The following CNBD1 variants were observed in gnomAD, a reference collection of about 807,000 sequenced individuals.
CNBD1 encodes the protein cyclic nucleotide binding domain containing 1.
A neutral mutation model predicts 54.4 loss-of-function variants in CNBD1; 71 were observed. That is an observed-to-expected ratio of 1.30 (90% CI 1.08 to 1.59). The LOEUF is 1.59. CNBD1 is among the 40% of genes most tolerant of loss of function. The pLI is 0.00. For synonymous variants in CNBD1, 182 were observed against 170.7 expected (o/e 1.07, Z -0.51); for missense variants, 659 against 518.0 (o/e 1.27, Z -2.64).
At chr8:87,341,227 G>A (rs1214018624) in intron 8 of CNBD1, among the ~76,000 whole-genome samples, 2 of 152,024 alleles carry the variant, frequency 1.3e-5, no homozygotes, top group Non-Finnish European at 2.9e-5. Context: ...CTGGTCCTCT[G>A]GAGAAGCAGA....
intron 4 of CNBD1, among the ~76,000 whole-genome samples, chr8:87,015,103 T>C (rs1809325492): frequency 6.6e-6 from 1 of 152,192 alleles, no homozygotes; most frequent in South Asian, 2.1e-4. Context: ...AAATTGATAT[T>C]TAATACTAAA....
rs1586358169 is a variant in CNBD1, at chr8:87,242,733, G to T, written c.771+5621G>T. The stretch of plus-strand genomic sequence containing the variant: ...TTAAGACCTCTTGAGACTTTGCCTT[G>T]TGCCACAGTCATTTATATTTGGCTC... On this transcript the variant is annotated intron_variant, in intron 6 of 10. Transcript: ENST00000518476. Among the ~76,000 whole-genome samples the T allele has an allele frequency of 2.0e-5, 3 of 152,256 alleles. 1 individual carries two copies. The Middle Eastern group carries it at 0.01, about 518-fold the overall frequency.
chr8:87,123,816 A>G (rs1248322913), intron 4 of CNBD1, among the ~76,000 whole-genome samples: 1 of 151,592 alleles, frequency 6.6e-6, no homozygotes, highest in African/African-American at 2.4e-5. Context: ...TTAGAAATAT[A>G]AGAGCACACA....
chr8:87,423,371 C>T (rs1168326292), intron 2 of CNBD1, among the ~76,000 whole-genome samples: 6 of 150,018 alleles, frequency 4.0e-5, no homozygotes, highest in Admixed American at 6.6e-5. Context: ...AAAGGAAATG[C>T]TTCCAGTTTT....
rs148459508 is a variant in CNBD1, at chr8:87,291,152, T to A, written c.1042+4481T>A. On this transcript the variant is annotated intron_variant, in intron 8 of 10. Transcript: ENST00000518476. The stretch of plus-strand genomic sequence containing the variant: ...ATCTTTAATGTAGTTTGAAAGGACA[T>A]TTGTATCTGGGCCATACCTATATCT... Among the ~76,000 whole-genome samples the A allele has an allele frequency of 1.5e-3, 230 of 152,310 alleles. 1 individual carries two copies. Among genetic ancestry groups the A allele is most frequent in the Admixed American group, 2.2e-3 (33 of 15,278 alleles).
chr8:87,049,610 C>G (rs752250381), intron 4 of CNBD1, among the ~76,000 whole-genome samples: 2 of 152,162 alleles, frequency 1.3e-5, no homozygotes, highest in Non-Finnish European at 2.9e-5. Context: ...CTCTGAGATC[C>G]TCCCTGGCTT....
chr8:86,912,709 T>A (rs989812664), intron 3 of CNBD1, among the ~76,000 whole-genome samples: 25 of 151,972 alleles, frequency 1.6e-4, no homozygotes, highest in Admixed American at 2.6e-4. Context: ...ATTTATATTT[T>A]AAAAAAAAGG....
rs1167232265 is a variant in CNBD1, at chr8:87,134,594, CTTTTT to C, written c.432-71377_432-71373del. Reference sequence around the variant, plus strand: ...GATTCACCTTTGTTAATTAGATTACCTTTTTTTTTTTTTTTTTTTTTTTTTTGAGA... The same window carrying C: ...GATTCACCTTTGTTAATTAGATTACCTTTTTTTTTTTTTTTTTTTTTGAGA... On this transcript the variant is annotated intron_variant, in intron 4 of 10. Coordinates refer to ENST00000518476, the MANE Select transcript of CNBD1 (RefSeq NM_173538.3). 3.4e-5 allele frequency among the ~76,000 whole-genome samples: 3 copies of C among 86,988 alleles called. No individual in the cohort carries two copies. The East Asian group carries it at 8.6e-4, about 25-fold the overall frequency. 57.1% of individuals were successfully genotyped at this position (86,988 alleles called of 152,430 possible). A position where few individuals can be genotyped will look rare whatever the true frequency, so the allele number is the denominator to read the frequency against.
At chr8:86,871,886 T>TA (rs995286366) in intron 1 of CNBD1, among the ~76,000 whole-genome samples, 10 of 152,234 alleles carry the variant, frequency 6.6e-5, no homozygotes, top group Non-Finnish European at 1.2e-4. Context: ...TGCCCTGGCT[T>TA]AAAACCCTCA....
intron 2 of CNBD1, among the ~76,000 whole-genome samples, chr8:87,388,034 A>G (rs1811227468): frequency 6.6e-6 from 1 of 152,222 alleles, no homozygotes; most frequent in Non-Finnish European, 1.5e-5. Flanking sequence ...GAAGGCAGAA[A>G]TAAAGATGTT....
At chr8:87,012,132 T>C (rs1264115567) in intron 4 of CNBD1, among the ~76,000 whole-genome samples, 3 of 152,192 alleles carry the variant, frequency 2.0e-5, no homozygotes, top group Non-Finnish European at 4.4e-5. Context: ...AAGTGAACAC[T>C]GAAAAATGGC....
At chr8:87,358,179 G>T (rs1810458177) in intron 10 of CNBD1, among the ~76,000 whole-genome samples, 1 of 152,090 alleles carries the variant, frequency 6.6e-6, no homozygotes, top group Non-Finnish European at 1.5e-5. Context: ...CCAGCCTTGG[G>T]TATTCCTTCA....
At chr8:86,884,175 A>C (rs1415732556) in intron 1 of CNBD1, among the ~76,000 whole-genome samples, 5 of 146,642 alleles carry the variant, frequency 3.4e-5, no homozygotes, top group Non-Finnish European at 7.5e-5. Context: ...ACAAAACAAA[A>C]CAAAAAAACC....
At chr8:87,144,853 AAGAT>A (rs1394352596) in intron 4 of CNBD1, among the ~76,000 whole-genome samples, 3 of 151,954 alleles carry the variant, frequency 2.0e-5, no homozygotes, top group Non-Finnish European at 4.4e-5. Flanking sequence ...TTGAGTGAAA[AAGAT>A]AGATAAAGTT....
chr8:87,233,959 A>G (rs1243829025), intron 5 of CNBD1, among the ~76,000 whole-genome samples: 1 of 152,170 alleles, frequency 6.6e-6, no homozygotes. Flanking sequence ...TGTTACATTC[A>G]AAATCTTTTT....
At chr8:86,979,975 G>A (rs1244559850) in intron 4 of CNBD1, among the ~76,000 whole-genome samples, 1 of 152,180 alleles carries the variant, frequency 6.6e-6, no homozygotes, top group Non-Finnish European at 1.5e-5. Context: ...TTCTACAAAT[G>A]CATATTAATC....
At chr8:87,427,152 G>A (rs1321321532) in intron 2 of CNBD1, among the ~76,000 whole-genome samples, 3 of 151,924 alleles carry the variant, frequency 2.0e-5, no homozygotes, top group Admixed American at 6.6e-5. Flanking sequence ...CCTGATATAT[G>A]TGCTTTCAGA....
rs145981560 is a variant in CNBD1 at position 86,947,537 on chromosome 8, T to A, written c.431+7783T>A. Among the ~76,000 whole-genome samples, 7 of 152,284 alleles carry A rather than the reference T, an allele frequency of 4.6e-5. No individual in the cohort carries two copies. In the East Asian group the frequency reaches 1.4e-3, roughly 29 times the overall value. On this transcript the variant is annotated intron_variant, in intron 4 of 10. Transcript: ENST00000518476. ...GGACAAAAATTCTTCCCTGGAGCAT[T>A]CATGCTCAATTTCATTTTTTTGTAA...
intron 6 of CNBD1, among the ~76,000 whole-genome samples, chr8:87,248,571 C>T (rs1272329667): frequency 6.6e-6 from 1 of 152,198 alleles, no homozygotes; most frequent in Non-Finnish European, 1.5e-5. Context: ...GGAGAAGCAG[C>T]TTTGAAGGTC....
Sources: allele counts gnomAD v4.1 joint callset (sites outside exome capture counted in the v4.1 genomes callset), GRCh38; gene constraint gnomAD v4.1.1; transcripts MANE v1.5; gene names NCBI Gene and HGNC (gene_info 2026-07-23, HGNC 2026-07-21).